Variants in VPS53 observed in about 807,000 individuals in gnomAD.
VPS53 encodes the protein VPS53 subunit of GARP complex, also known as vacuolar protein sorting-associated protein 53 homolog.
Under a neutral mutation model 107.0 loss-of-function variants are expected in VPS53, and 70 were observed. That is an observed-to-expected ratio of 0.65 (90% CI 0.54 to 0.80). The LOEUF (loss-of-function observed/expected upper bound fraction) is 0.80, where lower values mean the gene tolerates loss of function less well. VPS53 is among the 30% of genes least tolerant of loss of function. The pLI, the probability that VPS53 is intolerant of heterozygous loss-of-function variation, is 0.00. For missense variants in VPS53, 917 were observed against 1,049.4 expected (o/e 0.87, Z 1.74); for synonymous variants, 409 against 393.3 (o/e 1.04, Z -0.47).
intron 4 of VPS53, among the ~76,000 whole-genome samples, chr17:670,556 G>C (rs374069759): frequency 1.3e-5 from 2 of 152,086 alleles, no homozygotes; most frequent in East Asian, 3.9e-4. Context: ...TTTTTTTGCA[G>C]AACTGTTGTC....
At chr17:584,311 C>T (rs889701994) in intron 13 of VPS53, among the ~76,000 whole-genome samples, 4 of 152,144 alleles carry the variant, frequency 2.6e-5, no homozygotes, top group African/African-American at 7.2e-5. Context: ...CGGACAAGGA[C>T]GCAGGGATGA....
rs139409953 is a variant in VPS53 at position 558,421 on chromosome 17, C to T, written c.1704+2005G>A. Among the ~76,000 whole-genome samples the T allele has an allele frequency of 5.3e-3, 808 of 152,142 alleles. 18 individuals carry two copies. The highest frequency in any genetic ancestry group is 0.039 in the Admixed American group (591 of 15,280). On this transcript the variant is annotated intron_variant, in intron 15 of 21. Coordinates refer to ENST00000437048, the MANE Select transcript of VPS53 (RefSeq NM_001128159.3). Reference sequence around the variant, plus strand: ...GGCCAAGACGGGCAGATCACAAGATCAGGAGATCGAGACTATCCTGGCTAA... The same window carrying T: ...GGCCAAGACGGGCAGATCACAAGATTAGGAGATCGAGACTATCCTGGCTAA...
In VPS53 at chr17:530,109, T is replaced by G. The variant is rs557382112; in HGVS notation, c.2085+2733A>C. Among the ~76,000 whole-genome samples, 3 of 151,940 alleles carry G rather than the reference T, an allele frequency of 2.0e-5. No homozygotes were observed. The South Asian group carries it at 6.2e-4, about 32-fold the overall frequency. ...TATAGAAATATATTTTAAAACACTT[T>G]CCTTATAGCCAGCAACCTTGCTAAA... On this transcript the variant is annotated intron_variant, in intron 19 of 21. Coordinates refer to ENST00000437048, the MANE Select transcript of VPS53 (RefSeq NM_001128159.3).
intron 15 of VPS53, 119 bp from the exon 16 acceptor site, chr17:553,581 T>G: frequency 2.4e-6 from 2 of 816,486 alleles, no homozygotes; most frequent in East Asian, 2.7e-5. Flanking sequence ...ACACTTTTTT[T>G]TTTTTTTTTT....
intron 17 of VPS53, among the ~76,000 whole-genome samples, chr17:544,448 C>T (rs1451340779): frequency 6.6e-6 from 1 of 152,024 alleles, no homozygotes; most frequent in African/African-American, 2.4e-5. Context: ...GCTGATTTTG[C>T]CTCAGTTGCC....
chr17:693,566 A>AAAAAATT (rs1972846799), intron 4 of VPS53, among the ~76,000 whole-genome samples: 1 of 152,168 alleles, frequency 6.6e-6, no homozygotes, highest in Admixed American at 6.5e-5. Context: ...TACCAAAAAT[A>AAAAAATT]AAAAATTAAA....
At chr17:531,116 G>C (rs1305063900) in intron 19 of VPS53, among the ~76,000 whole-genome samples, 1 of 152,226 alleles carries the variant, frequency 6.6e-6, no homozygotes, top group Admixed American at 6.5e-5. Flanking sequence ...TCTGCTGCCT[G>C]AGTGAACACG....
chr17:681,268 C>G (rs1361056314), intron 4 of VPS53, among the ~76,000 whole-genome samples: 3 of 152,180 alleles, frequency 2.0e-5, no homozygotes, highest in Admixed American at 6.5e-5. Flanking sequence ...TCCCGAGTAG[C>G]TGGGCCTACA....
chr17:542,747 G>C (rs933398559), intron 17 of VPS53, among the ~76,000 whole-genome samples: 2 of 152,164 alleles, frequency 1.3e-5, no homozygotes, highest in African/African-American at 4.8e-5. Context: ...GGGAGGCCAA[G>C]GCAGGTGGAT....
chr17:586,297 A>C lies in VPS53; in HGVS notation c.1286T>G (p.Leu429Arg). The change falls in exon 13 of 22, where the codon CTC becomes CGC. Residue 429 changes from leucine to arginine, a missense_variant. Transcript: ENST00000437048. ...GTCTTGGGATTCGATATACACGTAGAGATGAGGCTCAAAACACTTGGAAAC... is the reference window on the plus strand; with the variant it reads ...GTCTTGGGATTCGATATACACGTAGCGATGAGGCTCAAAACACTTGGAAAC... ...GIVSKCFEPH[L>R]YVYIESQDKN... The C allele has an allele frequency of 6.2e-7, 1 of 1,614,108 alleles. No individual in the cohort carries two copies. The highest frequency in any genetic ancestry group is 8.5e-7 in the Non-Finnish European group (1 of 1,179,960).
At chr17:535,226 G>A (rs1391632621) in intron 18 of VPS53, among the ~76,000 whole-genome samples, 1 of 152,188 alleles carries the variant, frequency 6.6e-6, no homozygotes, top group Non-Finnish European at 1.5e-5. Flanking sequence ...AGATGTGAGG[G>A]GGGGCATCCA....
At chr17:705,032 TA>T (rs1973347455) in intron 2 of VPS53, among the ~76,000 whole-genome samples, 2 of 152,164 alleles carry the variant, frequency 1.3e-5, no homozygotes, top group African/African-American at 2.4e-5. Context: ...AAAATCAGTA[TA>T]TCCATTAAAA....
chr17:576,520 G>A (rs1264841487), intron 13 of VPS53, among the ~76,000 whole-genome samples: 1 of 130,010 alleles, frequency 7.7e-6, no homozygotes, highest in Non-Finnish European at 1.6e-5. Flanking sequence ...TCCCTCAGGA[G>A]CTAATGCATT....
Position 546,327 on chromosome 17 carries a change from T to TCACACACA in VPS53, c.1866+5544_1866+5545insTGTGTGTG, listed in dbSNP as rs888241748. On this transcript the variant is annotated intron_variant, in intron 17 of 21. Coordinates refer to ENST00000437048, the MANE Select transcript of VPS53 (RefSeq NM_001128159.3). ...GGATCAGGCAATGGTATCTTAGATA[T>TCACACACA]CTCACACACACACACACACACACAC... Among the ~76,000 whole-genome samples the TCACACACA allele has an allele frequency of 3.1e-4, 29 of 93,196 alleles. No homozygotes were observed. The South Asian group carries it at 6.7e-3, about 21-fold the overall frequency. The allele number at this position is 93,196 out of a possible 152,430, so 61.1% of individuals were successfully genotyped here.
chr17:664,243 T>TA (rs1971587054), intron 4 of VPS53, among the ~76,000 whole-genome samples: 1 of 152,068 alleles, frequency 6.6e-6, no homozygotes, highest in Non-Finnish European at 1.5e-5. Context: ...CACACCTGGC[T>TA]AATTTTTTGT....
intron 19 of VPS53, among the ~76,000 whole-genome samples, chr17:525,695 TAAGAA>T (rs775876730): frequency 1.3e-4 from 19 of 147,926 alleles, no homozygotes; most frequent in Non-Finnish European, 6.0e-5. Flanking sequence ...CCCTGTCTCT[TAAGAA>T]AAGAAAAAAA....
intron 4 of VPS53, among the ~76,000 whole-genome samples, chr17:680,891 T>G (rs2143786943): frequency 6.6e-6 from 1 of 152,318 alleles, no homozygotes; most frequent in African/African-American, 2.4e-5. Context: ...TTTCTAAAAC[T>G]TTTTGACCTC....
intron 12 of VPS53, among the ~76,000 whole-genome samples, chr17:591,736 C>A (rs1046366264): frequency 6.6e-6 from 1 of 152,114 alleles, no homozygotes; most frequent in Non-Finnish European, 1.5e-5. Context: ...GCACTGTGGT[C>A]TGAGAGATAG....
Position 710,629 on chromosome 17 carries a change from G to A in VPS53, c.88-16C>T. On this transcript the variant is annotated splice_polypyrimidine_tract_variant and intron_variant, in intron 1 of 21. Coordinates refer to ENST00000437048, the MANE Select transcript of VPS53 (RefSeq NM_001128159.3). Reference sequence around the variant, plus strand: ...TTGGAAACACCTATATAGAAAGAGAGGAGTATATATAAAAACATGTAGTAT... The same window carrying A: ...TTGGAAACACCTATATAGAAAGAGAAGAGTATATATAAAAACATGTAGTAT... The A allele has an allele frequency of 6.4e-7, 1 of 1,566,340 alleles. No homozygotes were observed. The highest frequency in any genetic ancestry group is 2.2e-5 in the East Asian group (1 of 44,598).
Sources: gnomAD v4.1 joint callset for allele counts (sites outside exome capture counted in the v4.1 genomes callset) on GRCh38, gnomAD v4.1.1 for gene constraint, MANE v1.5 for transcripts, NCBI Gene and HGNC (gene_info 2026-07-23, HGNC 2026-07-21) for gene names.